Variants in XIRP2 observed in about 807,000 individuals in gnomAD.
The protein encoded by XIRP2 is xin actin-binding repeat-containing protein 2.
Under a neutral mutation model 277.0 loss-of-function variants are expected in XIRP2, and 236 were observed. That is an observed-to-expected ratio of 0.85 (90% CI 0.77 to 0.95). The LOEUF is 0.95. XIRP2 is among the 40% of genes least tolerant of loss of function. The pLI is 0.00. For missense variants in XIRP2, 4,640 were observed against 4,157.5 expected (o/e 1.12, Z -3.19); for synonymous variants, 1,490 against 1,416.5 (o/e 1.05, Z -1.17).
chr2:167,182,640 T>G (rs963186859), intron 3 of XIRP2, among the ~76,000 whole-genome samples: 17 of 152,274 alleles, frequency 1.1e-4, no homozygotes, highest in African/African-American at 3.1e-4. Flanking sequence ...ATTATTAACT[T>G]TTGTCCTTGG....
In XIRP2 at chr2:166,981,620, C is replaced by T. The variant is rs79901194; in HGVS notation, c.408+77730C>T. Among the ~76,000 whole-genome samples the T allele has an allele frequency of 7.0e-3, 1,058 of 152,122 alleles. 15 individuals carry two copies. The highest frequency in any genetic ancestry group is 0.024 in the African/African-American group (999 of 41,508). On this transcript the variant is annotated intron_variant, in intron 2 of 10. Transcript: ENST00000409195. ...TTCACCGTGTTGCCCAGGCTGGTCGCGAACTCCTGAGCTCAGGCAATCCGC... is the reference window on the plus strand; with the variant it reads ...TTCACCGTGTTGCCCAGGCTGGTCGTGAACTCCTGAGCTCAGGCAATCCGC...
At chr2:166,940,918 G>A (rs1247536777) in intron 2 of XIRP2, among the ~76,000 whole-genome samples, 3 of 152,172 alleles carry the variant, frequency 2.0e-5, no homozygotes, top group East Asian at 3.9e-4. Flanking sequence ...GAGGCAGTCT[G>A]TCTGATCTCA....
intron 2 of XIRP2, among the ~76,000 whole-genome samples, chr2:167,033,120 G>A (rs957521818): frequency 7.2e-5 from 11 of 152,152 alleles, no homozygotes; most frequent in African/African-American, 1.7e-4. Flanking sequence ...TATAAAAAAG[G>A]ATGAGTTCAT....
At chr2:167,190,968 G>A (rs978403629) in intron 3 of XIRP2, among the ~76,000 whole-genome samples, 6 of 151,998 alleles carry the variant, frequency 3.9e-5, no homozygotes, top group South Asian at 2.1e-4. Context: ...TTGGAAGGCC[G>A]AGGCAGGCAG....
intron 2 of XIRP2, among the ~76,000 whole-genome samples, chr2:166,911,712 C>G (rs1684706088): frequency 6.6e-6 from 1 of 152,154 alleles, no homozygotes; most frequent in African/African-American, 2.4e-5. Flanking sequence ...TATTGATGGT[C>G]TTAATAATTT....
intron 2 of XIRP2, among the ~76,000 whole-genome samples, chr2:167,024,886 G>A (rs1435144712): frequency 1.3e-5 from 2 of 152,146 alleles, no homozygotes; most frequent in Admixed American, 6.6e-5. Context: ...TTGCATCAAT[G>A]TTCATCAAAG....
chr2:167,221,599 TTAGA>T (rs1365215197), intron 5 of XIRP2, among the ~76,000 whole-genome samples: 10 of 152,182 alleles, frequency 6.6e-5, no homozygotes, highest in Admixed American at 2.6e-4. Context: ...AAACTATGTC[TTAGA>T]TAGTCCAACT....
chr2:167,049,725 C>CT (rs979629447), intron 2 of XIRP2, among the ~76,000 whole-genome samples: 3 of 151,858 alleles, frequency 2.0e-5, no homozygotes, highest in Non-Finnish European at 4.4e-5. Flanking sequence ...TACTGGAAAT[C>CT]TTTTTTGGAA....
chr2:166,967,212 G>A (rs1686456342), intron 2 of XIRP2, among the ~76,000 whole-genome samples: 1 of 151,778 alleles, frequency 6.6e-6, no homozygotes, highest in South Asian at 2.1e-4. Context: ...AACGTTTGCT[G>A]AATCCCTATA....
At chr2:167,039,765 T>G (rs971228327) in intron 2 of XIRP2, among the ~76,000 whole-genome samples, 4 of 152,224 alleles carry the variant, frequency 2.6e-5, no homozygotes, top group African/African-American at 4.8e-5. Flanking sequence ...TATATTGGAA[T>G]TTATAAGTTT....
At chr2:166,901,038 C>T (rs1684374889) in intron 1 of XIRP2, among the ~76,000 whole-genome samples, 1 of 152,136 alleles carries the variant, frequency 6.6e-6, no homozygotes, top group African/African-American at 2.4e-5. Flanking sequence ...ACTCACCACT[C>T]AGCCTTTGCT....
At chr2:167,179,747 C>T (rs906498637) in intron 3 of XIRP2, among the ~76,000 whole-genome samples, 2 of 151,768 alleles carry the variant, frequency 1.3e-5, no homozygotes, top group African/African-American at 4.8e-5. Flanking sequence ...TCAAGAGATG[C>T]TCTTACCTCA....
chr2:167,245,357 A>G lies in XIRP2; in HGVS notation c.3965A>G (p.Tyr1322Cys), dbSNP rs781527142. ...YRMLFETQPL[Y>C]AIQDREGSYH... ...ATGCTCTTTGAAACCCAGCCACTCT[A>G]TGCAATTCAAGACCGAGAAGGGTCC... The change falls in exon 9 of 11, where the codon TAT (tyrosine) becomes TGT (cysteine). Residue 1322 changes from tyrosine to cysteine, a missense_variant. Coordinates refer to ENST00000409195, the MANE Select transcript of XIRP2 (RefSeq NM_152381.6). The G allele has an allele frequency of 3.4e-5, 55 of 1,613,778 alleles. No homozygotes were observed. Among genetic ancestry groups the G allele is most frequent in the Non-Finnish European group, 4.6e-5 (54 of 1,179,754 alleles).
chr2:167,229,509 T>C (rs1396589438), intron 5 of XIRP2, among the ~76,000 whole-genome samples: 12 of 152,150 alleles, frequency 7.9e-5, no homozygotes. Context: ...TAGTGAAATC[T>C]GCAAAATGCT....
intron 2 of XIRP2, among the ~76,000 whole-genome samples, chr2:167,068,250 CA>C (rs141611259): frequency 6.6e-6 from 1 of 151,974 alleles, no homozygotes; most frequent in Non-Finnish European, 1.5e-5. Flanking sequence ...GGAAAACAAA[CA>C]AAAAAACAAA....
Position 167,020,657 on chromosome 2 carries a change from A to G in XIRP2, c.409-115252A>G, listed in dbSNP as rs1186656233. On this transcript the variant is annotated intron_variant, in intron 2 of 10. Coordinates refer to ENST00000409195, the MANE Select transcript of XIRP2 (RefSeq NM_152381.6). Reference sequence around the variant, plus strand: ...GGATCAAGTATGTTCTGAAATGCATAGTTTCAAATATCTATACTGGACAAA... The same window carrying G: ...GGATCAAGTATGTTCTGAAATGCATGGTTTCAAATATCTATACTGGACAAA... 2.0e-5 allele frequency among the ~76,000 whole-genome samples: 3 copies of G among 152,126 alleles called. No individual in the cohort carries two copies. The East Asian group carries it at 5.8e-4, about 29-fold the overall frequency.
At chr2:167,009,309 T>TAC (rs1558945734) in intron 2 of XIRP2, among the ~76,000 whole-genome samples, 1 of 148,852 alleles carries the variant, frequency 6.7e-6, no homozygotes, top group Admixed American at 6.9e-5. Flanking sequence ...TGAGAATATG[T>TAC]GGTGTTTGGT....
intron 2 of XIRP2, among the ~76,000 whole-genome samples, chr2:166,931,333 G>T (rs900835862): frequency 6.6e-6 from 1 of 152,048 alleles, no homozygotes; most frequent in African/African-American, 2.4e-5. Context: ...AGCTCTGTTG[G>T]ATTTTACATA....
chr2:167,209,244 G>C (rs1206503938), intron 3 of XIRP2, among the ~76,000 whole-genome samples: 1 of 152,172 alleles, frequency 6.6e-6, no homozygotes, highest in African/African-American at 2.4e-5. Context: ...TGAATAAGAA[G>C]TCTCTATGGA....
Sources: gnomAD v4.1 joint callset for allele counts (sites outside exome capture counted in the v4.1 genomes callset) on GRCh38, gnomAD v4.1.1 for gene constraint, MANE v1.5 for transcripts, NCBI Gene and HGNC (gene_info 2026-07-23, HGNC 2026-07-21) for gene names.